GLI3: variants seen among roughly 807,000 people sequenced by gnomAD.
The protein encoded by GLI3 is transcription activator GLI3.
GLI3 carries 20 observed loss-of-function variants against 100.8 expected under a neutral mutation model. The ratio of observed to expected loss-of-function variants is 0.20; its 90% CI spans 0.14 to 0.29. GLI3 has a LOEUF of 0.29. Among genes scored for constraint, GLI3 ranks in the 10% least tolerant of loss-of-function variants. The probability of loss-of-function intolerance (pLI) is 1.00; values close to 1 mark genes in which losing one functional copy is unlikely to be tolerated. For synonymous variants in GLI3, 938 were observed against 860.5 expected (o/e 1.09, Z -1.58); for missense variants, 2,040 against 2,128.5 (o/e 0.96, Z 0.82).
At chr7:42,054,167 A>C (rs889637131) in intron 4 of GLI3, among the ~76,000 whole-genome samples, 1 of 152,226 alleles carries the variant, frequency 6.6e-6, no homozygotes, top group African/African-American at 2.4e-5. Flanking sequence ...ATGAAAATAG[A>C]TTACAATGAA....
intron 3 of GLI3, among the ~76,000 whole-genome samples, chr7:42,096,620 G>A (rs846281): frequency 0.03 from 4,539 of 152,304 alleles, 250 homozygotes; most frequent in African/African-American, 0.1. Context: ...AAGAGCGGGT[G>A]TTCAGGGTCC....
At chr7:42,189,816 T>C (rs1016093115) in intron 2 of GLI3, among the ~76,000 whole-genome samples, 1 of 152,186 alleles carries the variant, frequency 6.6e-6, no homozygotes, top group Admixed American at 6.5e-5. Context: ...GGATGAATCA[T>C]TTCCTTTCTT....
chr7:42,259,372 G>A (rs866048935), intron 1 of GLI3, among the ~76,000 whole-genome samples: 1 of 152,144 alleles, frequency 6.6e-6, no homozygotes, highest in Non-Finnish European at 1.5e-5. Flanking sequence ...TTAGAACTCT[G>A]TTTTAAGTGG....
At chr7:42,197,078 C>G (rs1401307972) in intron 2 of GLI3, among the ~76,000 whole-genome samples, 1 of 152,214 alleles carries the variant, frequency 6.6e-6, no homozygotes. Context: ...TTCCTGGCCC[C>G]TGATACTTAG....
chr7:42,033,555 A>G (rs535403751), intron 7 of GLI3, among the ~76,000 whole-genome samples: 28 of 152,320 alleles, frequency 1.8e-4, no homozygotes, highest in Non-Finnish European at 4.1e-4. Context: ...ATGACATGGT[A>G]CCAGAATGTG....
intron 1 of GLI3, among the ~76,000 whole-genome samples, chr7:42,234,069 G>C (rs981555485): frequency 7.2e-5 from 11 of 152,112 alleles, no homozygotes; most frequent in African/African-American, 2.7e-4. Flanking sequence ...ATTGCATAAA[G>C]AAGAAAAGTC....
At chr7:42,250,966 G>T (rs768869116) in intron 1 of GLI3, among the ~76,000 whole-genome samples, 1 of 152,152 alleles carries the variant, frequency 6.6e-6, no homozygotes, top group African/African-American at 2.4e-5. Context: ...TTAGGCATCC[G>T]CCCATGTACT....
chr7:42,029,575 T>C (rs1377803716), intron 7 of GLI3, among the ~76,000 whole-genome samples: 1 of 152,096 alleles, frequency 6.6e-6, no homozygotes, highest in Non-Finnish European at 1.5e-5. Context: ...TAAATCAAGG[T>C]GGGGAGGGCC....
intron 2 of GLI3, among the ~76,000 whole-genome samples, chr7:42,206,161 A>T (rs545694136): frequency 6.6e-6 from 1 of 152,170 alleles, no homozygotes; most frequent in East Asian, 1.9e-4. Context: ...TCAACTACTC[A>T]GTAAGCTGAG....
At chr7:41,982,839 T>C (rs1349028693) in intron 10 of GLI3, among the ~76,000 whole-genome samples, 1 of 152,172 alleles carries the variant, frequency 6.6e-6, no homozygotes, top group East Asian at 1.9e-4. Flanking sequence ...TTGTGTACCT[T>C]TGGACAGACC....
chr7:42,046,184 G>A (rs1440802136), intron 5 of GLI3, among the ~76,000 whole-genome samples: 1 of 152,176 alleles, frequency 6.6e-6, no homozygotes, highest in East Asian at 1.9e-4. Flanking sequence ...ATAATAGTCG[G>A]TTTCCACCTG....
chr7:42,244,159 A>T (rs1788950618), intron 1 of GLI3, among the ~76,000 whole-genome samples: 1 of 152,172 alleles, frequency 6.6e-6, no homozygotes, highest in African/African-American at 2.4e-5. Flanking sequence ...TTTCTACTGA[A>T]ATATACAAAG....
intron 2 of GLI3, among the ~76,000 whole-genome samples, chr7:42,192,170 A>G (rs1418157393): frequency 6.6e-6 from 1 of 152,218 alleles, no homozygotes; most frequent in Non-Finnish European, 1.5e-5. Flanking sequence ...TAGAGATAGC[A>G]TTTATTTTTG....
chr7:41,998,984 C>A (rs1294655787), intron 10 of GLI3, among the ~76,000 whole-genome samples: 1 of 152,146 alleles, frequency 6.6e-6, no homozygotes, highest in Non-Finnish European at 1.5e-5. Flanking sequence ...AGATTTTGTT[C>A]AAATGTGTCC....
chr7:42,106,849 T>C (rs183869812), intron 3 of GLI3, among the ~76,000 whole-genome samples: 7 of 152,234 alleles, frequency 4.6e-5, no homozygotes, highest in East Asian at 1.9e-4. Flanking sequence ...GCCATGCCCA[T>C]ATTTGGACAA....
rs115410173 is a variant in GLI3 at position 42,135,740 on chromosome 7, A to G, written c.367+12486T>C. Among the ~76,000 whole-genome samples, 395 of 152,046 alleles carry G rather than the reference A, an allele frequency of 2.6e-3. 3 individuals are homozygous for G. Among genetic ancestry groups the G allele is most frequent in the African/African-American group, 8.7e-3 (362 of 41,468 alleles). ...TCTTTTCTCATAAATCATTCCTCCA[A>G]CCTCTTCATCATGCTTAAGATTCTT... is the stretch of plus-strand genomic sequence containing the variant. On this transcript the variant is annotated intron_variant, in intron 3 of 14. Coordinates refer to ENST00000395925, the MANE Select transcript of GLI3 (RefSeq NM_000168.6).
At chr7:42,101,558 T>C (rs1468237220) in intron 3 of GLI3, among the ~76,000 whole-genome samples, 4 of 152,048 alleles carry the variant, frequency 2.6e-5, no homozygotes, top group Admixed American at 6.5e-5. Context: ...GTGAGCCATG[T>C]TGGCACCACT....
At chr7:42,072,983 C>T (rs903092211) in intron 4 of GLI3, among the ~76,000 whole-genome samples, 3 of 152,060 alleles carry the variant, frequency 2.0e-5, no homozygotes, top group South Asian at 2.1e-4. Context: ...AATAACTTTC[C>T]GAGGAAACGG....
intron 2 of GLI3, among the ~76,000 whole-genome samples, chr7:42,202,347 CACACACA>C: frequency 3.0e-4 from 1 of 3,350 alleles, no homozygotes; most frequent in Admixed American, 6.7e-3. Context: ...CTCTCTCTCT[CACACACA>C]CACACACACA....
Sources: gnomAD v4.1 joint callset for allele counts (sites outside exome capture counted in the v4.1 genomes callset) on GRCh38, gnomAD v4.1.1 for gene constraint, MANE v1.5 for transcripts, NCBI Gene and HGNC (gene_info 2026-07-23, HGNC 2026-07-21) for gene names.